LHFPL2: variants seen among roughly 807,000 people sequenced by gnomAD.
The protein encoded by LHFPL2 is LHFPL tetraspan subfamily member 2.
Under a neutral mutation model 17.5 loss-of-function variants are expected in LHFPL2, and 7 were observed. The observed-to-expected ratio is 0.40, with a 90% confidence interval of 0.23 to 0.75. LHFPL2 has a LOEUF of 0.75. Among genes scored for constraint, LHFPL2 ranks in the 30% least tolerant of loss-of-function variants. The probability of loss-of-function intolerance (pLI) is 0.37; values close to 1 mark genes in which losing one functional copy is unlikely to be tolerated. For synonymous variants in LHFPL2, 134 were observed against 116.2 expected, an observed-to-expected ratio of 1.15 and a Z score of -0.99; for missense variants, 241 against 294.8, an observed-to-expected ratio of 0.82 and a Z score of 1.34.
intron 3 of LHFPL2, among the ~76,000 whole-genome samples, chr5:78,540,221 C>T (rs111532032): frequency 0.02 from 2,984 of 152,282 alleles, 84 homozygotes; most frequent in African/African-American, 0.066. Flanking sequence ...AACTGAACTA[C>T]GAAATGGAAC....
intron 2 of LHFPL2, among the ~76,000 whole-genome samples, chr5:78,613,034 G>C (rs541304746): frequency 2.3e-3 from 349 of 152,302 alleles, no homozygotes; most frequent in Non-Finnish European, 3.5e-3. Context: ...GTTCCATGGA[G>C]CAGGCAGCTG....
rs751701207 is a variant in LHFPL2 at position 78,510,059 on chromosome 5, C to A, written c.155G>T (p.Gly52Val). The part of the protein sequence containing the change: ...GGVEPAGPGG[G>V]SPEPYHPTLG... ...GGTGGGGTGGTAGGGCTCCGGGGAG[C>A]CCCCGCCCGGGCCCGCCGGCTCCAC... Residue 52 changes from glycine (G) to valine (V), a missense_variant, in exon 4 of 5, where the codon GGC becomes GTC. Transcript: ENST00000380345. The A allele has an allele frequency of 1.2e-5, 19 of 1,610,184 alleles. No individual in the cohort carries two copies. Among genetic ancestry groups the A allele is most frequent in the Non-Finnish European group, 1.4e-5 (17 of 1,178,430 alleles).
intron 2 of LHFPL2, among the ~76,000 whole-genome samples, chr5:78,591,374 A>G (rs1392539805): frequency 6.6e-6 from 1 of 152,206 alleles, no homozygotes; most frequent in Non-Finnish European, 1.5e-5. Flanking sequence ...TTATTAGGAC[A>G]TTTTCCTCAT....
chr5:78,588,873 C>G (rs762831026), intron 2 of LHFPL2, among the ~76,000 whole-genome samples: 2 of 152,218 alleles, frequency 1.3e-5, no homozygotes, highest in African/African-American at 2.4e-5. Context: ...CATAGTGAAT[C>G]CTGTGTTCTT....
At chr5:78,540,957 T>C (rs962272936) in intron 3 of LHFPL2, among the ~76,000 whole-genome samples, 1 of 152,158 alleles carries the variant, frequency 6.6e-6, no homozygotes, top group African/African-American at 2.4e-5. Flanking sequence ...GAGTGGACAA[T>C]GCTGACCTCT....
chr5:78,581,509 A>G (rs1743138666), intron 2 of LHFPL2, among the ~76,000 whole-genome samples: 1 of 152,078 alleles, frequency 6.6e-6, no homozygotes, highest in Admixed American at 6.6e-5. Context: ...GAAGTTGTTG[A>G]ATTTTGTCAA....
At chr5:78,562,870 T>C (rs932085621) in intron 3 of LHFPL2, among the ~76,000 whole-genome samples, 1 of 152,170 alleles carries the variant, frequency 6.6e-6, no homozygotes, top group Admixed American at 6.5e-5. Context: ...TTTGGCAGAA[T>C]GAAATTGGCT....
intron 2 of LHFPL2, among the ~76,000 whole-genome samples, chr5:78,616,711 T>C (rs1466857815): frequency 6.6e-6 from 1 of 152,160 alleles, no homozygotes; most frequent in Non-Finnish European, 1.5e-5. Flanking sequence ...ATTGCTCTCC[T>C]TGCAACACCT....
In LHFPL2 at chr5:78,509,975, G is replaced by A. The variant is rs375747415; in HGVS notation, c.239C>T (p.Thr80Met). 18 of 1,613,764 alleles carry A rather than the reference G, an allele frequency of 1.1e-5. No individual in the cohort carries two copies. Among genetic ancestry groups the A allele is most frequent in the Non-Finnish European group, 1.4e-5 (17 of 1,179,956 alleles). ...NPGVQHFQRD[T>M]LCGPYAESFG... ...GCTCTCGGCGTAGGGCCCGCACAGC[G>A]TGTCCCGCTGGAAGTGCTGCACCCC... The change falls in exon 4 of 5, where the codon ACG (threonine) becomes ATG (methionine). Residue 80 changes from threonine (T) to methionine (M), a missense_variant. Thr to Met is a moderately conservative substitution (Grantham distance 81). Coordinates refer to ENST00000380345, the MANE Select transcript of LHFPL2 (RefSeq NM_005779.3).
intron 1 of LHFPL2, among the ~76,000 whole-genome samples, chr5:78,642,434 G>A (rs532602530): frequency 6.6e-6 from 1 of 152,236 alleles, no homozygotes; most frequent in African/African-American, 2.4e-5. Flanking sequence ...AACTCACCAA[G>A]TCTGCAAAAT....
chr5:78,644,452 T>A (rs1388763745), intron 1 of LHFPL2: 2 of 627,922 alleles, frequency 3.2e-6, no homozygotes, highest in African/African-American at 1.8e-5. Flanking sequence ...GCAGTGCCCT[T>A]CCACATCTCT....
intron 3 of LHFPL2, among the ~76,000 whole-genome samples, chr5:78,520,984 C>T (rs746045090): frequency 2.0e-5 from 3 of 152,138 alleles, no homozygotes; most frequent in Non-Finnish European, 2.9e-5. Flanking sequence ...AGCTGTATGC[C>T]GAAAGACATG....
At chr5:78,632,523 G>A (rs925015224) in intron 1 of LHFPL2, among the ~76,000 whole-genome samples, 155 bp from the exon 2 acceptor site, 4 of 152,238 alleles carry the variant, frequency 2.6e-5, no homozygotes, top group Admixed American at 6.5e-5. Context: ...GGATCAAACA[G>A]ACCTAGGTGA....
At chr5:78,601,075 G>A (rs1351123170) in intron 2 of LHFPL2, among the ~76,000 whole-genome samples, 2 of 152,162 alleles carry the variant, frequency 1.3e-5, no homozygotes, top group Non-Finnish European at 2.9e-5. Flanking sequence ...GCAGGCCCTG[G>A]GGGTACTCAA....
chr5:78,540,613 C>T (rs780578471), intron 3 of LHFPL2, among the ~76,000 whole-genome samples: 2 of 152,180 alleles, frequency 1.3e-5, no homozygotes, highest in African/African-American at 4.8e-5. Context: ...CGGAGAGATG[C>T]GTGGGAGAAT....
Position 78,488,832 on chromosome 5 carries a change from A to G in LHFPL2, c.*65T>C, listed in dbSNP as rs1349076749. 1 of 1,570,026 alleles carries G rather than the reference A, an allele frequency of 6.4e-7. No individual in the cohort carries two copies. Among genetic ancestry groups the G allele is most frequent in the African/African-American group, 1.4e-5 (1 of 74,042 alleles). On this transcript the variant is annotated 3_prime_UTR_variant, in exon 5 of 5. Transcript: ENST00000380345. ...AAGGTTAGTTCTCCACTTGACTCAA[A>G]TGATGAAACTGTGGACTGTTTCACA...
intron 3 of LHFPL2, among the ~76,000 whole-genome samples, chr5:78,545,596 A>G (rs994549345): frequency 3.3e-5 from 5 of 152,206 alleles, no homozygotes; most frequent in African/African-American, 1.2e-4. Context: ...CATCTTGTTT[A>G]AAAAGACTTG....
At chr5:78,601,774 G>T (rs997316640) in intron 2 of LHFPL2, among the ~76,000 whole-genome samples, 2 of 152,120 alleles carry the variant, frequency 1.3e-5, no homozygotes. Flanking sequence ...GGAGAGGCTG[G>T]GGGGAATGCT....
intron 2 of LHFPL2, chr5:78,624,776 T>G (rs1257519620): frequency 6.6e-6 from 1 of 152,110 alleles, no homozygotes; most frequent in Non-Finnish European, 1.5e-5. Flanking sequence ...GAAGTGGCTG[T>G]GTGGCTTACC....
Sources: gnomAD v4.1 joint callset for allele counts (sites outside exome capture counted in the v4.1 genomes callset) on GRCh38, gnomAD v4.1.1 for gene constraint, MANE v1.5 for transcripts, NCBI Gene and HGNC (gene_info 2026-07-23, HGNC 2026-07-21) for gene names.